Variants in CASK observed in about 807,000 individuals in gnomAD.
The protein encoded by CASK is peripheral plasma membrane protein CASK.
Under a neutral mutation model 82.9 loss-of-function variants are expected in CASK, and 4 were observed. The observed-to-expected ratio is 0.05, with a 90% CI of 0.02 to 0.11. CASK has a LOEUF of 0.11. Among genes scored for constraint, CASK ranks in the 10% least tolerant of loss-of-function variants. The pLI is 1.00. For missense variants in CASK, 358 were observed against 720.9 expected, an observed-to-expected ratio of 0.50 and a Z score of 5.76; for synonymous variants, 259 against 253.5, an observed-to-expected ratio of 1.02 and a Z score of -0.20.
At chrX:41,634,097 C>A (rs2066518150) in intron 9 of CASK, among the ~76,000 whole-genome samples, 1 of 111,952 alleles carries the variant, frequency 8.9e-6, no homozygotes, top group South Asian at 3.7e-4. Context: ...TGTGAACTCC[C>A]TTTTAATCAC....
rs1322057284 is a variant in CASK at position 41,515,531 on chromosome X, CACGAT to C, written c.*4884_*4888del. 8.9e-6 allele frequency: 1 copy of C among 112,154 alleles called. No homozygotes were observed. Among genetic ancestry groups the C allele is most frequent in the African/African-American group, 3.2e-5 (1 of 30,823 alleles). 9.2% of individuals were successfully genotyped at this position (112,154 alleles called of 1,213,427 possible). Reference sequence around the variant, plus strand: ...GCGACGTGCCTACACTGCAATTAAACACGATACTCGGGTCTTAGCACGTGAGGATT... The same window carrying C: ...GCGACGTGCCTACACTGCAATTAAACACTCGGGTCTTAGCACGTGAGGATT... On this transcript the variant is annotated 3_prime_UTR_variant, in exon 27 of 27. Coordinates refer to ENST00000378163, the MANE Select transcript of CASK (RefSeq NM_001367721.1).
chrX:41,626,834 G>A (rs2066386745), intron 9 of CASK, 131 bp from the exon 10 acceptor site: 1 of 485,340 alleles, frequency 2.1e-6, no homozygotes, highest in Middle Eastern at 5.7e-4. Context: ...TAGAAGAGAG[G>A]TAGTTTTTAA....
rs376483278 is a variant in CASK, at chrX:41,800,766, C to T, written c.173-13483G>A. Reference sequence around the variant, plus strand: ...GAACATGCGGTGTTTGGTTTTTTGTCCTTGCGATAGTTTACTGAGAATGAT... The same window carrying T: ...GAACATGCGGTGTTTGGTTTTTTGTTCTTGCGATAGTTTACTGAGAATGAT... On this transcript the variant is annotated intron_variant, in intron 2 of 26. Transcript: ENST00000378163. 2.7e-4 allele frequency among the ~76,000 whole-genome samples: 29 copies of T among 109,078 alleles called. No homozygotes were observed. The East Asian group carries it at 6.1e-3, about 23-fold the overall frequency. 94.7% of individuals were successfully genotyped at this position (109,078 alleles called of 115,157 possible). A position where few individuals can be genotyped will look rare whatever the true frequency, so the allele number is the denominator to read the frequency against.
chrX:41,650,207 A>G (rs1384176503), intron 8 of CASK, among the ~76,000 whole-genome samples: 1 of 111,067 alleles, frequency 9.0e-6, no homozygotes, highest in African/African-American at 3.3e-5. Context: ...TCTTTATCCA[A>G]TTTGCCAGTC....
chrX:41,871,901 A>C (rs761244798), intron 1 of CASK, among the ~76,000 whole-genome samples: 5 of 111,962 alleles, frequency 4.5e-5, no homozygotes, highest in African/African-American at 1.6e-4. Context: ...CTCCTTGAAA[A>C]CAGAGGGAAG....
chrX:41,588,888 G>A (rs780657603), intron 13 of CASK, among the ~76,000 whole-genome samples: 1 of 111,057 alleles, frequency 9.0e-6, no homozygotes, highest in African/African-American at 3.3e-5. Context: ...ATTATATAAC[G>A]GTAGGTTAAA....
chrX:41,726,638 A>ATTT (rs995104977), intron 5 of CASK: 1 of 116,380 alleles, frequency 8.6e-6, no homozygotes, highest in African/African-American at 3.2e-5. Flanking sequence ...GTGCCTTAAA[A>ATTT]TTTTTTAAAT....
At chrX:41,707,681 T>C (rs1442787359) in intron 5 of CASK, among the ~76,000 whole-genome samples, 1 of 111,639 alleles carries the variant, frequency 9.0e-6, no homozygotes, top group Non-Finnish European at 1.9e-5. Flanking sequence ...TTTGTGTGTG[T>C]GCATGAGAGA....
At chrX:41,599,588 AT>A (rs772384428) in intron 12 of CASK, among the ~76,000 whole-genome samples, 1 of 111,704 alleles carries the variant, frequency 9.0e-6, no homozygotes, top group South Asian at 3.8e-4. Flanking sequence ...ACTTACAGGG[AT>A]TTATTTTTGA....
chrX:41,794,662 A>C (rs2069808458), intron 2 of CASK, among the ~76,000 whole-genome samples: 1 of 112,440 alleles, frequency 8.9e-6, no homozygotes, highest in African/African-American at 3.2e-5. Context: ...GGGATGACAG[A>C]ATGCATACAT....
chrX:41,898,593 C>T (rs376758073), intron 1 of CASK, among the ~76,000 whole-genome samples: 2 of 111,577 alleles, frequency 1.8e-5, no homozygotes, highest in African/African-American at 3.3e-5. Context: ...CTTCTCTCTT[C>T]GAACTGCTTT....
At chrX:41,713,388 C>T (rs1404214806) in intron 5 of CASK, among the ~76,000 whole-genome samples, 2 of 112,089 alleles carry the variant, frequency 1.8e-5, no homozygotes, top group Non-Finnish European at 3.8e-5. Flanking sequence ...GAATGGCCAG[C>T]GTGGTGGACT....
chrX:41,586,236 A>C (rs1470532856), intron 14 of CASK: 4 of 112,290 alleles, frequency 3.6e-5, no homozygotes, highest in African/African-American at 1.3e-4. Flanking sequence ...TTTCTCCCAA[A>C]GGGCAGTGAG....
intron 2 of CASK, among the ~76,000 whole-genome samples, chrX:41,792,585 T>C (rs576726099): frequency 6.3e-5 from 7 of 111,393 alleles, no homozygotes; most frequent in African/African-American, 2.0e-4. Flanking sequence ...CCACTGCACC[T>C]AGCTCAATAA....
chrX:41,913,135 T>C (rs977367928), intron 1 of CASK, among the ~76,000 whole-genome samples: 1 of 111,180 alleles, frequency 9.0e-6, no homozygotes, highest in African/African-American at 3.3e-5. Flanking sequence ...ACTATGTGTG[T>C]CTGTTGGTTA....
intron 1 of CASK, among the ~76,000 whole-genome samples, chrX:41,878,908 T>C (rs780487263): frequency 8.9e-6 from 1 of 111,770 alleles, no homozygotes; most frequent in East Asian, 2.8e-4. Flanking sequence ...AAAGACTTTC[T>C]TAAATTATCA....
At chrX:41,857,911 C>T (rs1210705777) in intron 1 of CASK, among the ~76,000 whole-genome samples, 1 of 111,700 alleles carries the variant, frequency 9.0e-6, no homozygotes, top group African/African-American at 3.3e-5. Flanking sequence ...TTGGATCTCT[C>T]AATGCCAACG....
At chrX:41,593,454 T>G (rs897872980) in intron 12 of CASK, among the ~76,000 whole-genome samples, 1 of 111,682 alleles carries the variant, frequency 9.0e-6, no homozygotes, top group African/African-American at 3.3e-5. Context: ...TTCTATGTAC[T>G]AGGGATACAG....
intron 15 of CASK, among the ~76,000 whole-genome samples, chrX:41,572,473 T>C (rs753770457): frequency 9.0e-6 from 1 of 111,020 alleles, no homozygotes; most frequent in South Asian, 3.7e-4. Context: ...TTTTAGTGGT[T>C]GCATTAGGGT....
Sources: gnomAD v4.1 joint callset for allele counts (sites outside exome capture counted in the v4.1 genomes callset) on GRCh38, gnomAD v4.1.1 for gene constraint, MANE v1.5 for transcripts, NCBI Gene and HGNC (gene_info 2026-07-23, HGNC 2026-07-21) for gene names.